The following BEND3 variants were observed in gnomAD, a reference collection of about 807,000 sequenced individuals.
BEND3 encodes BEN domain-containing protein 3.
A neutral mutation model predicts 60.1 loss-of-function variants in BEND3; 13 were observed. That is an observed-to-expected ratio of 0.22 (90% confidence interval 0.14 to 0.34). BEND3 has a LOEUF of 0.34. BEND3 is among the 10% of genes least tolerant of loss of function. BEND3 has a pLI of 1.00. For synonymous variants in BEND3, 497 were observed against 491.5 expected, an observed-to-expected ratio of 1.01 and a Z score of -0.15; for missense variants, 896 against 1,138.1, an observed-to-expected ratio of 0.79 and a Z score of 3.06.
intron 1 of BEND3, among the ~76,000 whole-genome samples, chr6:107,110,993 G>GT (rs1307760077): frequency 4.0e-5 from 6 of 151,492 alleles, no homozygotes; most frequent in African/African-American, 1.5e-4. Flanking sequence ...GTGAAACCCC[G>GT]TATCTACTAA....
chr6:107,111,626 C>CT (rs1554238418), intron 1 of BEND3, among the ~76,000 whole-genome samples: 4 of 152,148 alleles, frequency 2.6e-5, no homozygotes, highest in African/African-American at 9.7e-5. Flanking sequence ...CCAAGCTTAC[C>CT]TTAGCCAATG....
At position 107,070,851 on chromosome 6, in the gene BEND3, C is replaced by G. The variant is rs782728242; in HGVS notation, c.340G>C (p.Gly114Arg). The G allele has an allele frequency of 3.4e-5, 55 of 1,613,870 alleles. No homozygotes were observed. The highest frequency in any genetic ancestry group is 4.3e-5 in the Non-Finnish European group (51 of 1,180,044). Residue 114 changes from glycine to arginine, a missense_variant, in exon 4 of 4, where the codon GGA becomes CGA. By Grantham distance (125) the Gly-to-Arg change is moderately radical. Coordinates refer to ENST00000369042, the MANE Select transcript of BEND3 (RefSeq NM_001367314.1). This position sits in a 1 kb window ranked among gnomAD's most constrained non-coding sequence, Gnocchi z 6.9. ...RGRSLGNVWP[G>R]EEEPCNDATT... ...GCATCGTTGCAGGGCTCCTCCTCTCCAGGCCACACATTGCCCAGGCTCCTG... is the reference window on the plus strand; with the variant it reads ...GCATCGTTGCAGGGCTCCTCCTCTCGAGGCCACACATTGCCCAGGCTCCTG...
At chr6:107,104,262 C>T (rs1297230613) in intron 1 of BEND3, among the ~76,000 whole-genome samples, 1 of 146,216 alleles carries the variant, frequency 6.8e-6, no homozygotes, top group Non-Finnish European at 1.5e-5. Context: ...TGCACTCCAG[C>T]CTGGGCGACA....
In BEND3 at chr6:107,067,193, T is replaced by C. The variant is rs1285527089; in HGVS notation, c.*1511A>G. 6.6e-6 allele frequency: 1 copy of C among 152,152 alleles called. No homozygotes were observed. Among genetic ancestry groups the C allele is most frequent in the African/African-American group, 2.4e-5 (1 of 41,422 alleles). 9.4% of individuals were successfully genotyped at this position (152,152 alleles called of 1,614,324 possible). A position where few individuals can be genotyped will look rare whatever the true frequency, so the allele number is the denominator to read the frequency against. On this transcript the variant is annotated 3_prime_UTR_variant, in exon 4 of 4. Coordinates refer to ENST00000369042, the MANE Select transcript of BEND3 (RefSeq NM_001367314.1). Reference sequence around the variant, plus strand: ...AGCTGAATGAAGAAAATCCAGATTGTTTCTGTTATCTCTGCATTTTAAAGT... The same window carrying C: ...AGCTGAATGAAGAAAATCCAGATTGCTTCTGTTATCTCTGCATTTTAAAGT...
At chr6:107,088,007 CTTT>C (rs374298071) in intron 3 of BEND3, among the ~76,000 whole-genome samples, 2 of 130,310 alleles carry the variant, frequency 1.5e-5, no homozygotes, top group Admixed American at 7.9e-5. Flanking sequence ...ATGAAGAGCC[CTTT>C]TTTTTTTTTT....
At chr6:107,107,210 T>C (rs797028128) in intron 1 of BEND3, among the ~76,000 whole-genome samples, 18 of 152,248 alleles carry the variant, frequency 1.2e-4, no homozygotes, top group African/African-American at 4.1e-4. Flanking sequence ...GTGCTGAGAT[T>C]ACAGGTATGA....
rs930543619 is a variant in BEND3, at chr6:107,074,098, T to C, written c.241-3148A>G. Among the ~76,000 whole-genome samples the C allele has an allele frequency of 3.3e-5, 5 of 152,152 alleles. No individual in the cohort carries two copies. In the East Asian group the frequency reaches 9.6e-4, roughly 29 times the overall value. ...GACAGTGCACACACAGCACTGAGTC[T>C]ATCTGAATCACACTAAGTGCTTAAT... On this transcript the variant is annotated intron_variant, in intron 3 of 3. Transcript: ENST00000369042.
At chr6:107,094,853 C>T (rs1404294864) in intron 3 of BEND3, among the ~76,000 whole-genome samples, 3 of 131,300 alleles carry the variant, frequency 2.3e-5, no homozygotes, top group Non-Finnish European at 4.6e-5. Flanking sequence ...CAGGGTCTCA[C>T]TCTGTCACCC....
intron 1 of BEND3, chr6:107,106,187 T>A (rs1554237453): frequency 2.6e-5 from 4 of 152,194 alleles, no homozygotes. Context: ...CAGTAGTTAG[T>A]ATTCATGTGG....
rs1042882874 is a variant in BEND3 at position 107,082,051 on chromosome 6, A to C, written c.241-11101T>G. The stretch of plus-strand genomic sequence containing the variant: ...AATACTCCCTCCCACCTTTGTGTGA[A>C]TGCCTCTTTGCAAGGTGATTTTATG... On this transcript the variant is annotated intron_variant, in intron 3 of 3. Transcript: ENST00000369042. Among the ~76,000 whole-genome samples the C allele has an allele frequency of 2.6e-5, 4 of 152,170 alleles. No individual in the cohort carries two copies. The South Asian group carries it at 8.3e-4, about 32-fold the overall frequency.
At chr6:107,080,857 C>A (rs1197213989) in intron 3 of BEND3, among the ~76,000 whole-genome samples, 1 of 151,874 alleles carries the variant, frequency 6.6e-6, no homozygotes, top group Non-Finnish European at 1.5e-5. Flanking sequence ...GCACTCCAGC[C>A]TGGGTGACAG....
At chr6:107,077,829 C>T (rs1562302548) in intron 3 of BEND3, among the ~76,000 whole-genome samples, 1 of 152,166 alleles carries the variant, frequency 6.6e-6, no homozygotes, top group Non-Finnish European at 1.5e-5. Flanking sequence ...GCTCACACCA[C>T]AGTAACTGAC....
At chr6:107,102,202 G>A (rs961031396) in intron 1 of BEND3, among the ~76,000 whole-genome samples, 4 of 152,152 alleles carry the variant, frequency 2.6e-5, no homozygotes, top group African/African-American at 9.7e-5. Context: ...CATTATATTC[G>A]CCCAACCATG....
intron 3 of BEND3, among the ~76,000 whole-genome samples, chr6:107,076,283 T>C (rs1373130057): frequency 6.6e-6 from 1 of 152,142 alleles, no homozygotes; most frequent in Non-Finnish European, 1.5e-5. Context: ...TGGCACTGGG[T>C]AGGACTGGCT....
chr6:107,078,119 G>A (rs1311588902), intron 3 of BEND3, among the ~76,000 whole-genome samples: 2 of 152,186 alleles, frequency 1.3e-5, no homozygotes, highest in Admixed American at 6.5e-5. Flanking sequence ...TCTTTACACA[G>A]CCCTTTGTTA....
intron 3 of BEND3, among the ~76,000 whole-genome samples, chr6:107,084,268 C>T (rs1354915360): frequency 1.3e-5 from 2 of 152,234 alleles, no homozygotes; most frequent in South Asian, 4.1e-4. Flanking sequence ...GCAGTGTGGA[C>T]AAGTCTGAGA....
intron 1 of BEND3, among the ~76,000 whole-genome samples, chr6:107,101,483 C>A (rs924453320): frequency 6.6e-6 from 1 of 152,100 alleles, no homozygotes; most frequent in African/African-American, 2.4e-5. Context: ...AGGCACAATT[C>A]TTTTCATCCC....
chr6:107,110,753 C>T (rs538015804), intron 1 of BEND3, among the ~76,000 whole-genome samples: 5 of 152,114 alleles, frequency 3.3e-5, no homozygotes, highest in East Asian at 2.0e-4. Flanking sequence ...CGAGGTTTCG[C>T]GATGTTGGCC....
Position 107,070,629 on chromosome 6 carries a change from T to C in BEND3, c.562A>G (p.Asn188Asp), listed in dbSNP as rs1554231888. The C allele has an allele frequency of 6.2e-7, 1 of 1,612,212 alleles. No individual in the cohort carries two copies. The highest frequency in any genetic ancestry group is 8.5e-7 in the Non-Finnish European group (1 of 1,179,824). ...ATCAGGAAGTAGATGTTGGGGTCGTTGTCAGTGCCTGCCCCGGTGCTGCCA... is the reference window on the plus strand; with the variant it reads ...ATCAGGAAGTAGATGTTGGGGTCGTCGTCAGTGCCTGCCCCGGTGCTGCCA... ...DCGSTGAGTD[N>D]DPNIYFLIQK... Residue 188 changes from asparagine to aspartate, a missense_variant, in exon 4 of 4, where the codon AAC becomes GAC. Asn to Asp is a conservative substitution (Grantham distance 23, BLOSUM62 1). Transcript: ENST00000369042. The surrounding 1 kb of genome is among the most constrained non-coding windows in gnomAD (Gnocchi z 6.9).
Sources: allele counts gnomAD v4.1 joint callset (sites outside exome capture counted in the v4.1 genomes callset), GRCh38; gene constraint gnomAD v4.1.1; non-coding constraint Gnocchi (gnomAD v3.1); transcripts MANE v1.5; gene names NCBI Gene and HGNC (gene_info 2026-07-23, HGNC 2026-07-21).